The following FAM161B variants were observed in gnomAD, a reference collection of about 807,000 sequenced individuals.
FAM161B encodes the protein FAM161 centrosomal protein B.
Under a neutral mutation model 61.5 loss-of-function variants are expected in FAM161B, and 46 were observed. The observed-to-expected ratio is 0.75, with a 90% CI of 0.59 to 0.96. The LOEUF (loss-of-function observed/expected upper bound fraction) is 0.96, where lower values mean the gene tolerates loss of function less well. Ranked by LOEUF, FAM161B falls within the 40% of genes least tolerant of loss-of-function variation. FAM161B has a pLI of 0.00. For missense variants in FAM161B, 774 were observed against 800.7 expected (o/e 0.97, Z 0.40); for synonymous variants, 284 against 302.7 (o/e 0.94, Z 0.64).
At chr14:73,924,380 A>G in the FAM161B span, among the ~76,000 whole-genome samples, 1 of 152,182 alleles carries the variant, frequency 6.6e-6, no homozygotes. Context: ...CTAACAGGGC[A>G]CGGACCAGTG....
intron 1 of FAM161B, among the ~76,000 whole-genome samples, chr14:73,949,728 T>C (rs1378220205): frequency 6.6e-6 from 1 of 152,130 alleles, no homozygotes; most frequent in Admixed American, 6.5e-5. Flanking sequence ...GAGACGACAA[T>C]TGTACTACTG....
chr14:73,932,524 A>AAGAT lies in FAM161B; in HGVS notation c.*1728_*1731dup, dbSNP rs1369969617. ...ACAGATACTTCTGAATTTTTCCACA[A>AAGAT]AGATAGTTTTTTTAAAAAAGCTTGA... On this transcript the variant is annotated 3_prime_UTR_variant, in exon 9 of 9. Coordinates refer to ENST00000286544, the MANE Select transcript of FAM161B (RefSeq NM_152445.3). 12 of 442,598 alleles carry AAGAT rather than the reference A, an allele frequency of 2.7e-5. No homozygotes were observed. Among genetic ancestry groups the AAGAT allele is most frequent in the East Asian group, 7.0e-5 (1 of 14,364 alleles). 27.4% of individuals were successfully genotyped at this position (442,598 alleles called of 1,614,324 possible). A position where few individuals can be genotyped will look rare whatever the true frequency, so the allele number is the denominator to read the frequency against.
intron 8 of FAM161B, among the ~76,000 whole-genome samples, chr14:73,935,516 G>A (rs1056291636): frequency 4.7e-5 from 7 of 147,448 alleles, no homozygotes; most frequent in East Asian, 2.0e-4. Context: ...GCAACAGAGT[G>A]AGACTCTGTC....
downstream of FAM161B, chr14:73,927,187 G>T: frequency 3.8e-6 from 1 of 263,734 alleles, no homozygotes; most frequent in South Asian, 3.0e-5. Flanking sequence ...CCGAATTCAA[G>T]CGGTTCTTCT....
At chr14:73,949,601 C>A (rs2056110138) in intron 1 of FAM161B, among the ~76,000 whole-genome samples, 1 of 151,628 alleles carries the variant, frequency 6.6e-6, no homozygotes, top group Non-Finnish European at 1.5e-5. Flanking sequence ...TCAGGTGATC[C>A]ACCCGCCTCG....
chr14:73,930,223 T>C (rs927280013), downstream of FAM161B, among the ~76,000 whole-genome samples: 6 of 152,236 alleles, frequency 3.9e-5, no homozygotes, highest in African/African-American at 1.2e-4. Context: ...TATTCTTAAC[T>C]TTCCTGCCAC....
At position 73,946,454 on chromosome 14, in the gene FAM161B, T is replaced by C. The variant is rs779977597; in HGVS notation, c.206A>G (p.Gln69Arg). The C allele has an allele frequency of 1.5e-5, 25 of 1,614,216 alleles. No homozygotes were observed. The highest frequency in any genetic ancestry group is 2.1e-5 in the Non-Finnish European group (25 of 1,180,042). The change falls in exon 2 of 9, where the codon CAG (glutamine) becomes CGG (arginine). Residue 69 changes from glutamine (Q) to arginine (R), a missense_variant. Gln to Arg is a conservative substitution (Grantham distance 43). Coordinates refer to ENST00000286544, the MANE Select transcript of FAM161B (RefSeq NM_152445.3). ...TTTCTGCTTCAGTTCCTGTAAGTTC[T>C]GGTAAATGCTCCCAGTTGAGTCAGA... ...STSDSTGSIYQNLQELKQKGR... is the reference protein window; with the variant it reads ...STSDSTGSIYRNLQELKQKGR...
rs562289703 is a variant in FAM161B, at chr14:73,933,149, A to G, written c.*1107T>C. The G allele has an allele frequency of 1.3e-5, 2 of 152,352 alleles. No homozygotes were observed. The highest frequency in any genetic ancestry group is 4.1e-4 in the South Asian group (2 of 4,832). The allele number at this position is 152,352 out of a possible 1,614,324, so 9.4% of individuals were successfully genotyped here. ...TACATAGACTGTGTTCATGGCAATT[A>G]CTTGTATTCTTAGAATGCCAGTTTT... On this transcript the variant is annotated 3_prime_UTR_variant, in exon 9 of 9. Coordinates refer to ENST00000286544, the MANE Select transcript of FAM161B (RefSeq NM_152445.3).
In FAM161B at chr14:73,940,015, AAGG is replaced by A. The variant is rs2056004394; in HGVS notation, c.1400+908_1400+910del. Reference sequence around the variant, plus strand: ...AGGTCTAACTGAAGTCTGAAGAAGAAAGGAGTATCCCTTGGACCGTAAATACTC... The same window carrying A: ...AGGTCTAACTGAAGTCTGAAGAAGAAAGTATCCCTTGGACCGTAAATACTC... On this transcript the variant is annotated intron_variant, in intron 5 of 8. Coordinates refer to ENST00000286544, the MANE Select transcript of FAM161B (RefSeq NM_152445.3). Among the ~76,000 whole-genome samples the A allele has an allele frequency of 1.3e-5, 2 of 152,320 alleles. 1 individual carries two copies. Among genetic ancestry groups the A allele is most frequent in the African/African-American group, 4.8e-5 (2 of 41,570 alleles).
At chr14:73,947,978 G>C (rs891633729) in intron 1 of FAM161B, among the ~76,000 whole-genome samples, 2 of 152,024 alleles carry the variant, frequency 1.3e-5, no homozygotes, top group Non-Finnish European at 2.9e-5. Flanking sequence ...CTGGAGTGCA[G>C]TGGTGCAATC....
chr14:73,941,106 ATCTTTT>A, intron 4 of FAM161B, 53 bp from the exon 5 acceptor site: 1 of 1,207,134 alleles, frequency 8.3e-7, no homozygotes, highest in Non-Finnish European at 1.1e-6. Context: ...ATTAGTTTCT[ATCTTTT>A]TTTTTTTTTT....
rs759037058 is a variant in FAM161B at position 73,941,027 on chromosome 14, G to A, written c.1299C>T (p.Pro433=). The change falls in exon 5 of 9, where the codon CCC becomes CCT. Residue 433 remains proline (P), a synonymous_variant. Transcript: ENST00000286544. ...CGCTCAGAGAACGACTCCTTGGCAG[G>A]GGTGTAGCTGGTGGCTGTGGGGAAT... The part of the protein sequence containing the change: ...RQDSPQPPAT[P]LPRSRSLSGL... The A allele has an allele frequency of 2.5e-6, 4 of 1,613,712 alleles. No individual in the cohort carries two copies. Among genetic ancestry groups the A allele is most frequent in the Non-Finnish European group, 3.4e-6 (4 of 1,179,774 alleles).
At position 73,942,677 on chromosome 14, in the gene FAM161B, C is replaced by T; in HGVS notation, c.964G>A (p.Ala322Thr). The T allele has an allele frequency of 6.2e-7, 1 of 1,613,960 alleles. No homozygotes were observed. Among genetic ancestry groups the T allele is most frequent in the Non-Finnish European group, 8.5e-7 (1 of 1,179,910 alleles). ...LFRKIRIQMR[A>T]LDMLQMASSP... ...GAGGCCATCTGGAGCATGTCCAGGG[C>T]TCTCATTTGGATGCGAATTTTCCTG... The change falls in exon 4 of 9, where the codon GCC becomes ACC. Residue 322 changes from alanine (A) to threonine (T), a missense_variant. By Grantham distance (58) the Ala-to-Thr change is moderately conservative. Transcript: ENST00000286544.
Position 73,937,783 on chromosome 14 carries a change from C to CT in FAM161B, c.1566-83dup, listed in dbSNP as rs879053828. The CT allele has an allele frequency of 5.2e-6, 8 of 1,531,584 alleles. No homozygotes were observed. In the South Asian group the frequency reaches 7.0e-5, roughly 13 times the overall value. 94.9% of individuals were successfully genotyped at this position (1,531,584 alleles called of 1,614,324 possible). ...TCATTTCCAGTAAAGCAGTGTAACTCTCGTGTACACTGTAAATTCCTATCT... is the reference window on the plus strand; with the variant it reads ...TCATTTCCAGTAAAGCAGTGTAACTCTTCGTGTACACTGTAAATTCCTATCT... On this transcript the variant is annotated intron_variant, in intron 6 of 8. Coordinates refer to ENST00000286544, the MANE Select transcript of FAM161B (RefSeq NM_152445.3).
intron 1 of FAM161B, among the ~76,000 whole-genome samples, chr14:73,946,969 G>C (rs890228738): frequency 1.2e-4 from 19 of 152,092 alleles, no homozygotes; most frequent in South Asian, 4.1e-4. Flanking sequence ...TCCTGCCCAT[G>C]ATGATGGCCA....
At chr14:73,937,388 C>CT in intron 7 of FAM161B, among the ~76,000 whole-genome samples, 1 of 152,274 alleles carries the variant, frequency 6.6e-6, no homozygotes, top group South Asian at 2.1e-4. Flanking sequence ...TGAAATATCC[C>CT]TTTATCGATG....
chr14:73,922,823 C>T, the FAM161B span: 1 of 152,222 alleles, frequency 6.6e-6, no homozygotes, highest in Non-Finnish European at 1.5e-5. Flanking sequence ...TGGGAAAGAA[C>T]ATTGAGTACA....
At chr14:73,934,597 C>T (rs890278541) in intron 8 of FAM161B, among the ~76,000 whole-genome samples, 2 of 151,700 alleles carry the variant, frequency 1.3e-5, no homozygotes, top group African/African-American at 4.9e-5. Flanking sequence ...CCACTGCACC[C>T]AGCTAATTTT....
intron 1 of FAM161B, among the ~76,000 whole-genome samples, chr14:73,947,083 C>T (rs899997661): frequency 6.6e-6 from 1 of 152,076 alleles, no homozygotes; most frequent in Non-Finnish European, 1.5e-5. Flanking sequence ...CTAATTTGCA[C>T]TCTGTCAAGG....
Sources: allele counts gnomAD v4.1 joint callset (sites outside exome capture counted in the v4.1 genomes callset), GRCh38; gene constraint gnomAD v4.1.1; transcripts MANE v1.5; gene names NCBI Gene and HGNC (gene_info 2026-07-23, HGNC 2026-07-21).